The following ZNF91 variants were observed in gnomAD, a reference collection of about 807,000 sequenced individuals.
ZNF91 encodes the protein zinc finger protein 91 (HPF7, HTF10).
Under a neutral mutation model 12.6 loss-of-function variants are expected in ZNF91, and 7 were observed. The observed-to-expected ratio is 0.55, with a 90% confidence interval of 0.31 to 1.04. The LOEUF (loss-of-function observed/expected upper bound fraction) is 1.04, where lower values mean the gene tolerates loss of function less well. Ranked by LOEUF, ZNF91 falls within the 50% of genes least tolerant of loss-of-function variation. The probability of loss-of-function intolerance (pLI) is 0.05; values close to 1 mark genes in which losing one functional copy is unlikely to be tolerated. For missense variants in ZNF91, 1,217 were observed against 1,385.4 expected, an observed-to-expected ratio of 0.88 and a Z score of 1.93; for synonymous variants, 453 against 462.6, an observed-to-expected ratio of 0.98 and a Z score of 0.27.
At chr19:23,353,719 A>G (rs949257802), downstream of ZNF91, among the ~76,000 whole-genome samples, 1 of 152,236 alleles carries the variant, frequency 6.6e-6, no homozygotes, top group Non-Finnish European at 1.5e-5. Context: ...TTAACCAAGA[A>G]GAGAGAAAAT....
Position 23,360,221 on chromosome 19 carries a change from T to C in ZNF91, c.2758A>G (p.Ser920Gly). The C allele has an allele frequency of 6.2e-7, 1 of 1,614,120 alleles. No individual in the cohort carries two copies. Among genetic ancestry groups the C allele is most frequent in the Non-Finnish European group, 8.5e-7 (1 of 1,180,026 alleles). ...YKCEECGKAF[S>G]QPSHLTTHKR... ...TGTGTAGTAAGGTGTGAAGGCTGGCTAAATGCTTTGCCACATTCTTCACAT... is the reference window on the plus strand; with the variant it reads ...TGTGTAGTAAGGTGTGAAGGCTGGCCAAATGCTTTGCCACATTCTTCACAT... The change falls in exon 4 of 4, where the codon AGC (serine) becomes GGC (glycine). Residue 920 changes from serine (S) to glycine (G), a missense_variant. Transcript: ENST00000300619.
At chr19:23,330,742 A>G (rs1390246579) in intron 1 of ZNF91, among the ~76,000 whole-genome samples, 1 of 152,190 alleles carries the variant, frequency 6.6e-6, no homozygotes, top group Admixed American at 6.5e-5. Flanking sequence ...AAAAATTGAA[A>G]TAGCTTGGTG....
At chr19:23,313,832 G>C (rs77188525), upstream of ZNF91, among the ~76,000 whole-genome samples, 80 of 152,310 alleles carry the variant, frequency 5.3e-4, no homozygotes, top group East Asian at 0.013. Context: ...CCACAGAAGG[G>C]ATTGAAGTTC....
intron 1 of ZNF91, chr19:23,380,380 A>G (rs985307226): frequency 6.7e-5 from 10 of 149,716 alleles, no homozygotes; most frequent in South Asian, 2.2e-4. Context: ...TGGGAATGCG[A>G]GCATTATCTA....
upstream of ZNF91, among the ~76,000 whole-genome samples, chr19:23,314,647 T>C (rs295353): frequency 0.29 from 44,410 of 152,054 alleles, 6,851 homozygotes; most frequent in East Asian, 0.39. Context: ...TTTTTCTCTT[T>C]TCTTCATCCT....
chr19:23,377,547 G>T (rs1384751712), intron 1 of ZNF91, among the ~76,000 whole-genome samples: 2 of 152,176 alleles, frequency 1.3e-5, no homozygotes, highest in African/African-American at 4.8e-5. Context: ...CCCTGTCAGT[G>T]CTGATGTCAC....
intron 3 of ZNF91, among the ~76,000 whole-genome samples, chr19:23,344,997 G>C (rs966137956): frequency 6.6e-6 from 1 of 152,124 alleles, no homozygotes; most frequent in African/African-American, 2.4e-5. Context: ...AGTATCCTGG[G>C]AGCCCAGTTA....
chr19:23,367,504 T>C (rs1011716969), intron 3 of ZNF91, among the ~76,000 whole-genome samples: 3 of 152,146 alleles, frequency 2.0e-5, no homozygotes, highest in Non-Finnish European at 2.9e-5. Context: ...GGTACACAAA[T>C]TCAATAGAAT....
chr19:23,385,237 G>C (rs769130378), intron 1 of ZNF91: 3 of 572,026 alleles, frequency 5.2e-6, no homozygotes, highest in Non-Finnish European at 9.5e-6. Flanking sequence ...CCTGCAGCTT[G>C]ATATTGGGCC....
intron 1 of ZNF91, among the ~76,000 whole-genome samples, chr19:23,393,043 G>A (rs1450278365): frequency 6.6e-6 from 1 of 151,660 alleles, no homozygotes; most frequent in Non-Finnish European, 1.5e-5. Context: ...TCAGTTTTTT[G>A]GTTTTTTGGG....
chr19:23,385,700 A>G (rs1237486808), intron 1 of ZNF91, among the ~76,000 whole-genome samples: 1 of 152,158 alleles, frequency 6.6e-6, no homozygotes, highest in African/African-American at 2.4e-5. Flanking sequence ...AACATATTTA[A>G]CACCTCAGCC....
intron 2 of ZNF91, chr19:23,307,722 C>T (rs1967416250): frequency 6.6e-6 from 1 of 152,286 alleles, no homozygotes; most frequent in South Asian, 2.1e-4. Context: ...TGAGATATCT[C>T]TGGGCCCCTC....
chr19:23,368,508 CCATCTCTCT>C (rs1969109468), intron 3 of ZNF91, among the ~76,000 whole-genome samples: 1 of 116,684 alleles, frequency 8.6e-6, no homozygotes, highest in African/African-American at 3.3e-5. Flanking sequence ...GAGCGAAACT[CCATCTCTCT>C]CTCTCTCTCT....
At chr19:23,341,017 G>GA (rs1968113294) in intron 3 of ZNF91, among the ~76,000 whole-genome samples, 2 of 148,960 alleles carry the variant, frequency 1.3e-5, no homozygotes, top group Non-Finnish European at 3.0e-5. Flanking sequence ...ACACGCATAT[G>GA]AAAAAAATGC....
At chr19:23,323,398 C>T (rs1019988636) in intron 1 of ZNF91, among the ~76,000 whole-genome samples, 1 of 134,480 alleles carries the variant, frequency 7.4e-6, no homozygotes, top group East Asian at 2.4e-4. Flanking sequence ...TCTCTTCCCC[C>T]TCCTTTTCTT....
chr19:23,362,779 G>T, intron 3 of ZNF91, 54 bp from the exon 4 acceptor site: 1 of 1,332,318 alleles, frequency 7.5e-7, no homozygotes, highest in South Asian at 2.5e-5. Flanking sequence ...AGACTCACAT[G>T]AATATAGTTT....
rs970640604 is a variant in ZNF91 at position 23,346,278 on chromosome 19, G to C, written c.254-7224C>G. 1.3e-5 allele frequency among the ~76,000 whole-genome samples: 2 copies of C among 151,974 alleles called. 1 individual carries two copies. The highest frequency in any genetic ancestry group is 2.9e-5 in the Non-Finnish European group (2 of 68,012). ...ACCCTCTCCCCAGAAGACGAGGACC[G>C]TATCTAGACCCCAGCTCAGGTGCAT... On this transcript the variant is annotated intron_variant, in intron 3 of 3. Coordinates refer to the ZNF91 transcript ENST00000599743.
At chr19:23,342,075 A>C (rs772887817) in intron 3 of ZNF91, 2 of 336,124 alleles carry the variant, frequency 6.0e-6, no homozygotes, top group Non-Finnish European at 1.1e-5. Flanking sequence ...CTTTCCATGG[A>C]AGCAGAGCAT....
At chr19:23,335,442 G>C (rs750717640), downstream of ZNF91, among the ~76,000 whole-genome samples, 26 of 152,332 alleles carry the variant, frequency 1.7e-4, no homozygotes, top group Non-Finnish European at 3.4e-4. Flanking sequence ...ACAGAGGCAG[G>C]CAGGCCTCCT....
Sources: allele counts gnomAD v4.1 joint callset (sites outside exome capture counted in the v4.1 genomes callset), GRCh38; gene constraint gnomAD v4.1.1; transcripts MANE v1.5; gene names NCBI Gene and HGNC (gene_info 2026-07-23, HGNC 2026-07-21).